The following NEK10 variants were observed in gnomAD, a reference collection of about 807,000 sequenced individuals.
The protein encoded by NEK10 is NIMA related kinase 10.
In NEK10, 122 loss-of-function variants were observed where a neutral mutation model predicts 159.8. The observed-to-expected ratio is 0.76, with a 90% CI of 0.66 to 0.89. NEK10 has a LOEUF of 0.89. Among genes scored for constraint, NEK10 ranks in the 40% least tolerant of loss-of-function variants. The probability of loss-of-function intolerance (pLI) is 0.00; values close to 1 mark genes in which losing one functional copy is unlikely to be tolerated. For missense variants in NEK10, 1,342 were observed against 1,323.1 expected (o/e 1.01, Z -0.22); for synonymous variants, 466 against 457.1 (o/e 1.02, Z -0.25).
intron 32 of NEK10, among the ~76,000 whole-genome samples, chr3:27,125,774 A>G (rs192734932): frequency 5.9e-5 from 9 of 152,246 alleles, no homozygotes; most frequent in African/African-American, 1.7e-4. Flanking sequence ...GTTTCTGCCA[A>G]AAGTATTCCT....
chr3:27,204,461 C>T (rs1950345614), intron 23 of NEK10, among the ~76,000 whole-genome samples: 1 of 79,612 alleles, frequency 1.3e-5, no homozygotes, highest in South Asian at 6.2e-4. Flanking sequence ...CCTCCCCCCT[C>T]CCCCCACCCC....
At chr3:27,182,194 A>C (rs1948184264) in intron 26 of NEK10, among the ~76,000 whole-genome samples, 1 of 152,164 alleles carries the variant, frequency 6.6e-6, no homozygotes, top group South Asian at 2.1e-4. Flanking sequence ...ATTGGATTTT[A>C]AGTGTTCTCA....
chr3:27,126,755 G>T (rs1033369133), intron 32 of NEK10, among the ~76,000 whole-genome samples: 1 of 150,008 alleles, frequency 6.7e-6, no homozygotes, highest in African/African-American at 2.4e-5. Flanking sequence ...GAATCACCTG[G>T]GAGCAAAAAA....
chr3:27,146,024 T>C (rs966771514), intron 30 of NEK10, among the ~76,000 whole-genome samples: 2 of 152,194 alleles, frequency 1.3e-5, no homozygotes, highest in Admixed American at 1.3e-4. Flanking sequence ...GAAATATTAT[T>C]TCTCTTCTTA....
At position 27,111,072 on chromosome 3, in the gene NEK10, G is replaced by C. The variant is rs1449077162; in HGVS notation, c.*200C>G. 1 of 423,334 alleles carries C rather than the reference G, an allele frequency of 2.4e-6. No homozygotes were observed. The highest frequency in any genetic ancestry group is 4.2e-6 in the Non-Finnish European group (1 of 237,738). 26.2% of individuals were successfully genotyped at this position (423,334 alleles called of 1,614,324 possible). On this transcript the variant is annotated 3_prime_UTR_variant, in exon 36 of 36. Coordinates refer to ENST00000691995, the MANE Select transcript of NEK10 (RefSeq NM_001394966.1). ...TGACATCCTGTATATAATGTGTTCT[G>C]GCAATGAAGCCCTCAAGTACCGCAG...
intron 23 of NEK10, among the ~76,000 whole-genome samples, chr3:27,237,428 A>G (rs928346994): frequency 1.3e-5 from 2 of 152,202 alleles, no homozygotes; most frequent in African/African-American, 2.4e-5. Flanking sequence ...CAGAGATTGC[A>G]GTAAAGACAG....
chr3:27,253,005 T>G (rs901632943), intron 23 of NEK10: 7 of 408,910 alleles, frequency 1.7e-5, no homozygotes, highest in African/African-American at 1.3e-4. Flanking sequence ...ACTTTATGTA[T>G]CAAAAAAATA....
At chr3:27,129,911 A>AT (rs1231621270) in intron 32 of NEK10, among the ~76,000 whole-genome samples, 2 of 151,360 alleles carry the variant, frequency 1.3e-5, no homozygotes, top group South Asian at 2.1e-4. Context: ...TGTCAGAGCT[A>AT]TTTTTTTCAG....
At chr3:27,209,948 G>A (rs1950860736) in intron 23 of NEK10, among the ~76,000 whole-genome samples, 1 of 151,262 alleles carries the variant, frequency 6.6e-6, no homozygotes. Flanking sequence ...GTTTCTCTGA[G>A]CCCACCCCCA....
At position 27,339,704 on chromosome 3, in the gene NEK10, G is replaced by A. The variant is rs62255654; in HGVS notation, c.362+4568C>T. 2.8e-3 allele frequency among the ~76,000 whole-genome samples: 427 copies of A among 151,440 alleles called. 2 individuals carry two copies. Among genetic ancestry groups the A allele is most frequent in the Non-Finnish European group, 3.3e-3 (226 of 67,886 alleles). Reference sequence around the variant, plus strand: ...TAAGGCAGGAGAATTGCTTGAACTCGGGAGGTAGAAGTTGCAGTGAGCCGA... The same window carrying A: ...TAAGGCAGGAGAATTGCTTGAACTCAGGAGGTAGAAGTTGCAGTGAGCCGA... On this transcript the variant is annotated intron_variant, in intron 5 of 35. Transcript: ENST00000691995.
intron 12 of NEK10, among the ~76,000 whole-genome samples, chr3:27,303,982 T>C (rs2044037146): frequency 6.6e-6 from 1 of 152,210 alleles, no homozygotes; most frequent in Non-Finnish European, 1.5e-5. Context: ...TAATAGAATC[T>C]TCCCATGGAT....
intron 5 of NEK10, among the ~76,000 whole-genome samples, chr3:27,339,695 C>G (rs557000828): frequency 1.3e-5 from 2 of 150,226 alleles, no homozygotes; most frequent in Admixed American, 6.7e-5. Flanking sequence ...AGGAGAATTG[C>G]TTGAACTCGG....
chr3:27,257,934 G>T (rs757954788), intron 22 of NEK10, among the ~76,000 whole-genome samples: 5 of 151,800 alleles, frequency 3.3e-5, no homozygotes, highest in Non-Finnish European at 7.4e-5. Context: ...GACTACAGGA[G>T]CCCGCCAGCA....
chr3:27,188,111 G>A (rs1256156762), intron 26 of NEK10, among the ~76,000 whole-genome samples: 1 of 152,162 alleles, frequency 6.6e-6, no homozygotes, highest in Non-Finnish European at 1.5e-5. Context: ...AGTATTAAGT[G>A]AGCTGAGCTG....
chr3:27,365,377 A>T (rs1372679124), intron 1 of NEK10, among the ~76,000 whole-genome samples: 1 of 152,120 alleles, frequency 6.6e-6, no homozygotes, highest in Non-Finnish European at 1.5e-5. Flanking sequence ...TTGAAGCTAG[A>T]ATCTGTGTCT....
At chr3:27,316,828 A>G (rs908852681) in intron 6 of NEK10, among the ~76,000 whole-genome samples, 1 of 152,080 alleles carries the variant, frequency 6.6e-6, no homozygotes, top group African/African-American at 2.4e-5. Context: ...AGAGAAAGAG[A>G]GAGTTTTATT....
intron 16 of NEK10, among the ~76,000 whole-genome samples, chr3:27,292,759 G>A (rs1401682353): frequency 1.6e-5 from 2 of 128,016 alleles, no homozygotes; most frequent in African/African-American, 3.9e-5. Context: ...AACAGGATGA[G>A]CCTTTGTCAA....
intron 23 of NEK10, among the ~76,000 whole-genome samples, chr3:27,242,937 T>A (rs999591661): frequency 2.6e-5 from 4 of 152,218 alleles, no homozygotes; most frequent in Non-Finnish European, 5.9e-5. Context: ...TGCCAATGTA[T>A]CAAGGTTACA....
At chr3:27,161,698 C>A (rs184725460) in intron 30 of NEK10, among the ~76,000 whole-genome samples, 1 of 152,192 alleles carries the variant, frequency 6.6e-6, no homozygotes, top group African/African-American at 2.4e-5. Context: ...TCCCAAACCT[C>A]TATTAGAAAC....
Sources: allele counts gnomAD v4.1 joint callset (sites outside exome capture counted in the v4.1 genomes callset), GRCh38; gene constraint gnomAD v4.1.1; transcripts MANE v1.5; gene names NCBI Gene and HGNC (gene_info 2026-07-23, HGNC 2026-07-21).